UBAC1: variants seen among roughly 807,000 people sequenced by gnomAD.
UBAC1 encodes the protein UBA domain containing 1, also known as ubiquitin-associated domain-containing protein 1.
A neutral mutation model predicts 45.9 loss-of-function variants in UBAC1; 27 were observed. The ratio of observed to expected loss-of-function variants is 0.59; its 90% CI spans 0.43 to 0.81. The LOEUF is 0.81. Ranked by LOEUF, UBAC1 falls within the 30% of genes least tolerant of loss-of-function variation. The pLI, the probability that UBAC1 is intolerant of heterozygous loss-of-function variation, is 0.00. For synonymous variants in UBAC1, 227 were observed against 215.5 expected, an observed-to-expected ratio of 1.05 and a Z score of -0.47; for missense variants, 529 against 539.2, an observed-to-expected ratio of 0.98 and a Z score of 0.19.
chr9:135,941,408 A>G (rs1263458918), intron 7 of UBAC1, among the ~76,000 whole-genome samples: 1 of 152,212 alleles, frequency 6.6e-6, no homozygotes, highest in East Asian at 1.9e-4. Flanking sequence ...TCCATCTCAA[A>G]AAAGAAAAAA....
intron 4 of UBAC1, chr9:135,947,510 C>T: frequency 2.9e-6 from 1 of 340,804 alleles, no homozygotes; most frequent in East Asian, 4.9e-5. Context: ...GCTTCGGGTT[C>T]AGAATTCTAT....
At chr9:135,948,009 T>C (rs1839358881) in intron 3 of UBAC1, 104 bp from the exon 4 acceptor site, 1 of 1,078,076 alleles carries the variant, frequency 9.3e-7, no homozygotes, top group East Asian at 2.6e-5. Flanking sequence ...CTCCGTCTCC[T>C]TTAGGAGCCA....
intron 5 of UBAC1, 21 bp from the exon 6 acceptor site, chr9:135,946,018 C>G (rs1263841353): frequency 5.6e-6 from 9 of 1,605,326 alleles, no homozygotes; most frequent in Non-Finnish European, 7.7e-6. Context: ...ACGACAGGGC[C>G]ATGAGGGCTC....
intron 7 of UBAC1, chr9:135,942,379 A>G (rs872373): frequency 0.24 from 35,806 of 152,170 alleles, 4,315 homozygotes; most frequent in Non-Finnish European, 0.28. Flanking sequence ...GTTAGGCACA[A>G]TGGCTCATGC....
intron 9 of UBAC1, among the ~76,000 whole-genome samples, chr9:135,937,810 T>C (rs1839217485): frequency 6.6e-6 from 1 of 152,248 alleles, no homozygotes; most frequent in Non-Finnish European, 1.5e-5. Flanking sequence ...ATATACACTT[T>C]TGTATGTACG....
intron 7 of UBAC1, 91 bp from the exon 8 acceptor site, chr9:135,939,850 C>A: frequency 9.0e-7 from 1 of 1,114,632 alleles, no homozygotes; most frequent in Non-Finnish European, 1.3e-6. Context: ...TCCCCGCACC[C>A]TAGCGGAGGG....
intron 3 of UBAC1, among the ~76,000 whole-genome samples, chr9:135,952,911 G>A (rs1839423514): frequency 6.6e-6 from 1 of 152,238 alleles, no homozygotes; most frequent in South Asian, 2.1e-4. Context: ...GCGGTGTGAG[G>A]TGGGGCTTGT....
intron 5 of UBAC1, 75 bp downstream of exon 5, chr9:135,946,194 G>T: frequency 8.6e-7 from 1 of 1,168,156 alleles, no homozygotes; most frequent in Non-Finnish European, 1.3e-6. Context: ...TCAGTGGTCA[G>T]TGCGTGGAGC....
Position 135,933,617 on chromosome 9 carries a change from G to A in UBAC1, c.1103-102C>T, listed in dbSNP as rs554508002. 1.3e-4 allele frequency: 105 copies of A among 819,902 alleles called. 2 individuals carry two copies. The highest frequency in any genetic ancestry group is 6.9e-4 in the South Asian group (47 of 68,234). 50.8% of individuals were successfully genotyped at this position (819,902 alleles called of 1,614,324 possible). On this transcript the variant is annotated intron_variant, in intron 9 of 9. Coordinates refer to ENST00000371756, the MANE Select transcript of UBAC1 (RefSeq NM_016172.3). Reference sequence around the variant, plus strand: ...GGCAGCTTCCTAATGAAGAGGGTGCGTCTCCAATACAAAGGCCACACAGAG... The same window carrying A: ...GGCAGCTTCCTAATGAAGAGGGTGCATCTCCAATACAAAGGCCACACAGAG...
chr9:135,946,647 G>A (rs916086626), intron 4 of UBAC1, among the ~76,000 whole-genome samples: 4 of 152,220 alleles, frequency 2.6e-5, no homozygotes, highest in Admixed American at 1.3e-4. Context: ...TGAGGAAACC[G>A]TCGGCCCAGC....
In UBAC1 at chr9:135,945,982, T is replaced by C. The variant is rs768101590; in HGVS notation, c.560A>G (p.Asp187Gly). ...AGCCTCGTCCACACGCTCATCCTCG[T>C]CCTCGTCCAGCATTGCTGCAGGGAG... ...FKKANAMLDEDEDERVDEAAL... is the reference protein window; with the variant it reads ...FKKANAMLDEGEDERVDEAAL... The change falls in exon 6 of 10, where the codon GAC (aspartate) becomes GGC (glycine). Residue 187 changes from aspartate to glycine, a missense_variant. Coordinates refer to ENST00000371756, the MANE Select transcript of UBAC1 (RefSeq NM_016172.3). The C allele has an allele frequency of 2.5e-6, 4 of 1,613,836 alleles. No individual in the cohort carries two copies. The South Asian group carries it at 4.4e-5, about 18-fold the overall frequency.
intron 3 of UBAC1, among the ~76,000 whole-genome samples, chr9:135,949,255 G>C (rs1839377611): frequency 6.6e-6 from 1 of 152,126 alleles, no homozygotes; most frequent in East Asian, 1.9e-4. Flanking sequence ...AGAATGCTTA[G>C]AAGATAAAAT....
intron 6 of UBAC1, 151 bp from the exon 7 acceptor site, chr9:135,945,401 T>G (rs1839318048): frequency 1.5e-6 from 1 of 667,246 alleles, no homozygotes. Flanking sequence ...TGAACACAGG[T>G]GCGACGGAAG....
In UBAC1 at chr9:135,945,980, C is replaced by T. The variant is rs769574057; in HGVS notation, c.562G>A (p.Glu188Lys). The T allele has an allele frequency of 1.7e-5, 27 of 1,613,858 alleles. No individual in the cohort carries two copies. In the East Asian group the frequency reaches 3.1e-4, roughly 19 times the overall value. ...GCAGCCTCGTCCACACGCTCATCCTCGTCCTCGTCCAGCATTGCTGCAGGG... is the reference window on the plus strand; with the variant it reads ...GCAGCCTCGTCCACACGCTCATCCTTGTCCTCGTCCAGCATTGCTGCAGGG... ...KKANAMLDED[E>K]DERVDEAALR... The change falls in exon 6 of 10, where the codon GAG (glutamate) becomes AAG (lysine). Residue 188 changes from glutamate (E) to lysine (K), a missense_variant. Glu to Lys is a moderately conservative substitution (Grantham distance 56, BLOSUM62 1). Coordinates refer to ENST00000371756, the MANE Select transcript of UBAC1 (RefSeq NM_016172.3).
rs1170653826 is a variant in UBAC1, at chr9:135,961,330, G to T, written c.-168C>A. On this transcript the variant is annotated 5_prime_UTR_variant, in exon 1 of 10. Coordinates refer to ENST00000371756, the MANE Select transcript of UBAC1 (RefSeq NM_016172.3). ...CGCCGTCACTCTCCGCGGCCTCAGC[G>T]GTCGCCTCGCTCCCGCCGCCGCAGC... 1.5e-5 allele frequency: 6 copies of T among 403,926 alleles called. No individual in the cohort carries two copies. Among genetic ancestry groups the T allele is most frequent in the Non-Finnish European group, 1.7e-5 (5 of 296,932 alleles). The allele number at this position is 403,926 out of a possible 1,614,324, so 25.0% of individuals were successfully genotyped here.
intron 4 of UBAC1, among the ~76,000 whole-genome samples, chr9:135,947,293 C>T (rs759813376): frequency 5.9e-5 from 9 of 152,010 alleles, no homozygotes; most frequent in Non-Finnish European, 1.0e-4. Context: ...CTCTTGCTGC[C>T]GAGGCTGGAG....
rs1839310890 is a variant in UBAC1, at chr9:135,945,056, C to T, written c.848G>A (p.Arg283Lys). ...ELTEIFKKIR[R>K]KREFRADARA... ...AGCATCAGCCCGAAACTCCCTTTTC[C>T]TCCGGATCTTCTTGAAGATTTCCGT... Residue 283 changes from arginine to lysine, a missense_variant, in exon 7 of 10, where the codon AGG becomes AAG. By Grantham distance (26) the Arg-to-Lys change is conservative (BLOSUM62 2). Transcript: ENST00000371756. 6.2e-7 allele frequency: 1 copy of T among 1,613,850 alleles called. No homozygotes were observed. The highest frequency in any genetic ancestry group is 1.3e-5 in the African/African-American group (1 of 74,946).
chr9:135,938,885 C>T (rs1839232591), intron 8 of UBAC1, among the ~76,000 whole-genome samples: 1 of 152,224 alleles, frequency 6.6e-6, no homozygotes, highest in African/African-American at 2.4e-5. Flanking sequence ...CACACGGGCA[C>T]AGGACGGGAA....
chr9:135,955,127 A>G (rs1414267973), intron 2 of UBAC1, among the ~76,000 whole-genome samples, 168 bp downstream of exon 2: 2 of 152,216 alleles, frequency 1.3e-5, no homozygotes, highest in Non-Finnish European at 2.9e-5. Flanking sequence ...TCTATAACAG[A>G]ACTCTTTTTA....
Sources: allele counts gnomAD v4.1 joint callset (sites outside exome capture counted in the v4.1 genomes callset), GRCh38; gene constraint gnomAD v4.1.1; transcripts MANE v1.5; gene names NCBI Gene and HGNC (gene_info 2026-07-23, HGNC 2026-07-21).